Variants in CLDN16 observed in about 807,000 individuals in gnomAD.
CLDN16 encodes claudin-16.
In CLDN16, 13 loss-of-function variants were observed where a neutral mutation model predicts 24.6. The ratio of observed to expected loss-of-function variants is 0.53; its 90% CI spans 0.34 to 0.84. The LOEUF is 0.84. Ranked by LOEUF, CLDN16 falls within the 40% of genes least tolerant of loss-of-function variation. The pLI is 0.01. For synonymous variants in CLDN16, 116 were observed against 106.7 expected (o/e 1.09, Z -0.54); for missense variants, 298 against 292.7 (o/e 1.02, Z -0.13).
intron 1 of CLDN16, among the ~76,000 whole-genome samples, chr3:190,331,539 C>T (rs1717180026): frequency 6.6e-6 from 1 of 152,200 alleles, no homozygotes; most frequent in Non-Finnish European, 1.5e-5. Context: ...TTCAGTTCCT[C>T]TGTTGTACTT....
chr3:190,308,258 T>G, the CLDN16 span: 1 of 1,613,562 alleles, frequency 6.2e-7, no homozygotes, highest in Non-Finnish European at 8.5e-7. Context: ...CAACATGATT[T>G]TCTCCTTTTG....
At chr3:190,308,030 C>T in the CLDN16 span, 4 of 437,688 alleles carry the variant, frequency 9.1e-6, no homozygotes, top group Admixed American at 1.4e-4. Flanking sequence ...AGTATGATTA[C>T]TCAATGGGAA....
At chr3:190,350,753 A>G (rs988619201) in intron 1 of CLDN16, among the ~76,000 whole-genome samples, 5 of 152,124 alleles carry the variant, frequency 3.3e-5, no homozygotes, top group African/African-American at 1.2e-4. Context: ...CTGACCAATG[A>G]CTGAGTATAG....
At chr3:190,363,426 T>A (rs1158424900) in intron 1 of CLDN16, among the ~76,000 whole-genome samples, 1 of 150,988 alleles carries the variant, frequency 6.6e-6, no homozygotes, top group African/African-American at 2.4e-5. Flanking sequence ...TTCCAATAAA[T>A]AGGTCTGGTT....
At chr3:190,322,547 G>A in exon 1 of CLDN16, 1 of 317,614 alleles carries the variant, frequency 3.1e-6, no homozygotes. Flanking sequence ...CACCGAGAGG[G>A]CGCCGGGAGC....
chr3:190,350,954 T>A (rs1030933190), intron 1 of CLDN16, among the ~76,000 whole-genome samples: 1 of 152,258 alleles, frequency 6.6e-6, no homozygotes, highest in Non-Finnish European at 1.5e-5. Flanking sequence ...CTCCGCCAAA[T>A]TTCATGTTGA....
At chr3:190,342,724 G>A (rs1051937432) in intron 1 of CLDN16, among the ~76,000 whole-genome samples, 2 of 152,124 alleles carry the variant, frequency 1.3e-5, no homozygotes, top group African/African-American at 4.8e-5. Context: ...AAAAGATAGT[G>A]TTTTCAATAA....
upstream of CLDN16, among the ~76,000 whole-genome samples, chr3:190,386,417 C>G (rs533760247): frequency 6.6e-6 from 1 of 152,202 alleles, no homozygotes; most frequent in African/African-American, 2.4e-5. Context: ...CAGTGGATGT[C>G]AGAAACGAAG....
At chr3:190,314,778 T>A in the CLDN16 span, among the ~76,000 whole-genome samples, 1 of 152,118 alleles carries the variant, frequency 6.6e-6, no homozygotes, top group East Asian at 1.9e-4. Flanking sequence ...AAGGTTAAGT[T>A]TTACTTGATT....
intron 1 of CLDN16, among the ~76,000 whole-genome samples, chr3:190,368,318 G>T (rs981715032): frequency 6.6e-6 from 1 of 151,910 alleles, no homozygotes; most frequent in Non-Finnish European, 1.5e-5. Flanking sequence ...AACTGGTGAG[G>T]CACAGAGGTC....
At chr3:190,351,672 C>A (rs1717674570) in intron 1 of CLDN16, among the ~76,000 whole-genome samples, 1 of 151,832 alleles carries the variant, frequency 6.6e-6, no homozygotes, top group South Asian at 2.1e-4. Flanking sequence ...AACATATTAG[C>A]AGATATTGGG....
intron 1 of CLDN16, among the ~76,000 whole-genome samples, chr3:190,334,125 A>G (rs1483898880): frequency 6.6e-6 from 1 of 152,212 alleles, no homozygotes; most frequent in Non-Finnish European, 1.5e-5. Context: ...AAACAAAGCC[A>G]TTCCTGTGCT....
chr3:190,390,308 G>A (rs1055554757), intron 1 of CLDN16, among the ~76,000 whole-genome samples: 6 of 152,110 alleles, frequency 3.9e-5, no homozygotes, highest in South Asian at 2.1e-4. Context: ...AGGCCGAGGC[G>A]GGCAGATCAC....
At chr3:190,311,937 G>A in the CLDN16 span, among the ~76,000 whole-genome samples, 1 of 144,120 alleles carries the variant, frequency 6.9e-6, no homozygotes, top group Non-Finnish European at 1.5e-5. Context: ...TTAAAAAACA[G>A]ATATTTCTTT....
intron 1 of CLDN16, among the ~76,000 whole-genome samples, chr3:190,325,049 T>G (rs1717029972): frequency 6.6e-6 from 1 of 152,176 alleles, no homozygotes; most frequent in South Asian, 2.1e-4. Flanking sequence ...AGGGATGGGG[T>G]TAATTTCTGA....
chr3:190,363,092 C>T (rs1717935553), intron 1 of CLDN16, among the ~76,000 whole-genome samples: 1 of 151,814 alleles, frequency 6.6e-6, no homozygotes, highest in African/African-American at 2.4e-5. Flanking sequence ...CAATTACAAC[C>T]ATTCGATATT....
At chr3:190,294,846 A>G in the CLDN16 span, among the ~76,000 whole-genome samples, 1 of 152,048 alleles carries the variant, frequency 6.6e-6, no homozygotes, top group Non-Finnish European at 1.5e-5. Flanking sequence ...TGTCTTGCAA[A>G]CTCAGTAAGA....
intron 1 of CLDN16, among the ~76,000 whole-genome samples, chr3:190,342,429 C>G (rs1371054674): frequency 1.3e-5 from 2 of 152,018 alleles, no homozygotes; most frequent in Non-Finnish European, 2.9e-5. Flanking sequence ...AAATAATGAC[C>G]TAGGTGAAAC....
the CLDN16 span, among the ~76,000 whole-genome samples, chr3:190,311,067 A>G: frequency 3.9e-5 from 6 of 152,332 alleles, no homozygotes; most frequent in East Asian, 3.9e-4. Flanking sequence ...AGCCAAAAAC[A>G]TGGTCCAATG....
Sources: allele counts gnomAD v4.1 joint callset (sites outside exome capture counted in the v4.1 genomes callset), GRCh38; gene constraint gnomAD v4.1.1; transcripts MANE v1.5; gene names NCBI Gene and HGNC (gene_info 2026-07-23, HGNC 2026-07-21).